The following MACROD2 variants were observed in gnomAD, a reference collection of about 807,000 sequenced individuals.
MACROD2 encodes ADP-ribose glycohydrolase MACROD2.
MACROD2 carries 36 observed loss-of-function variants against 70.4 expected under a neutral mutation model. That is an observed-to-expected ratio of 0.51 (90% confidence interval 0.39 to 0.68). MACROD2 has a LOEUF of 0.68. MACROD2 is among the 30% of genes least tolerant of loss of function. The pLI is 0.00. For synonymous variants in MACROD2, 172 were observed against 178.8 expected (o/e 0.96, Z 0.30); for missense variants, 496 against 538.4 (o/e 0.92, Z 0.78).
chr20:14,373,848 TTG>T (rs1435116165), intron 3 of MACROD2, among the ~76,000 whole-genome samples: 5 of 152,142 alleles, frequency 3.3e-5, no homozygotes, highest in African/African-American at 7.2e-5. Context: ...GCTCCTTGTT[TTG>T]TTTATTATAG....
chr20:14,015,216 G>A (rs2052970782), intron 2 of MACROD2, among the ~76,000 whole-genome samples: 1 of 152,096 alleles, frequency 6.6e-6, no homozygotes, highest in African/African-American at 2.4e-5. Flanking sequence ...TCAGTTTAGT[G>A]ACATTGAGTA....
intron 2 of MACROD2, among the ~76,000 whole-genome samples, chr20:14,013,268 A>G (rs966462159): frequency 5.0e-5 from 7 of 140,654 alleles, no homozygotes; most frequent in Non-Finnish European, 9.3e-5. Context: ...GGTCAACTGT[A>G]CTTTCTTTTT....
At chr20:14,559,044 A>G (rs925516807) in intron 4 of MACROD2, among the ~76,000 whole-genome samples, 11 of 151,750 alleles carry the variant, frequency 7.2e-5, no homozygotes, top group African/African-American at 2.7e-4. Context: ...TTGATACCAT[A>G]TTTGTTCTAA....
chr20:15,284,914 T>G (rs2077477454), intron 6 of MACROD2, among the ~76,000 whole-genome samples: 1 of 152,222 alleles, frequency 6.6e-6, no homozygotes, highest in Non-Finnish European at 1.5e-5. Context: ...AGTTATTTTG[T>G]TGCTATTTAA....
intron 9 of MACROD2, among the ~76,000 whole-genome samples, chr20:15,876,482 A>T (rs1406005113): frequency 1.3e-5 from 2 of 152,104 alleles, no homozygotes; most frequent in Non-Finnish European, 2.9e-5. Flanking sequence ...CATGGTGTAT[A>T]TGTACCACAT....
intron 9 of MACROD2, among the ~76,000 whole-genome samples, chr20:15,882,399 A>G (rs2064767170): frequency 1.3e-5 from 2 of 152,132 alleles, no homozygotes; most frequent in Non-Finnish European, 2.9e-5. Flanking sequence ...TGGAATTTGA[A>G]TGAGCCCAAG....
chr20:14,536,689 G>A (rs998483238), intron 4 of MACROD2, among the ~76,000 whole-genome samples: 10 of 151,470 alleles, frequency 6.6e-5, no homozygotes, highest in Admixed American at 2.0e-4. Flanking sequence ...GCATTTATGT[G>A]TGCATGTATA....
At chr20:15,356,189 G>A (rs1012881441) in intron 6 of MACROD2, among the ~76,000 whole-genome samples, 1 of 151,962 alleles carries the variant, frequency 6.6e-6, no homozygotes, top group Admixed American at 6.6e-5. Flanking sequence ...TTGTGATCTT[G>A]AGCCAGTTAC....
intron 8 of MACROD2, among the ~76,000 whole-genome samples, chr20:15,543,525 G>T (rs1427579414): frequency 2.1e-5 from 3 of 144,542 alleles, no homozygotes. Context: ...ACAGCAGAAT[G>T]GTGAGATGTT....
chr20:15,875,281 A>G (rs1020548088), intron 9 of MACROD2, among the ~76,000 whole-genome samples: 1 of 152,182 alleles, frequency 6.6e-6, no homozygotes, highest in Non-Finnish European at 1.5e-5. Flanking sequence ...AAAGAAACAC[A>G]AGAGAAACTT....
intron 5 of MACROD2, among the ~76,000 whole-genome samples, chr20:14,709,539 C>T (rs11907538): frequency 0.08 from 12,233 of 152,084 alleles, 851 homozygotes; most frequent in South Asian, 0.28. Context: ...ATAGGTCTGG[C>T]GTCAAATTTC....
chr20:14,465,058 G>T (rs761964449), intron 3 of MACROD2, among the ~76,000 whole-genome samples: 1 of 152,018 alleles, frequency 6.6e-6, no homozygotes, highest in African/African-American at 2.4e-5. Context: ...GGCCCTCTTG[G>T]TGCAGAGCTG....
intron 5 of MACROD2, among the ~76,000 whole-genome samples, chr20:15,154,398 A>G (rs1299426906): frequency 2.0e-5 from 3 of 152,198 alleles, no homozygotes; most frequent in East Asian, 3.9e-4. Context: ...ATCCAACTGG[A>G]TGAAAGCTCT....
intron 4 of MACROD2, among the ~76,000 whole-genome samples, chr20:14,576,317 A>G (rs770103875): frequency 6.6e-5 from 10 of 152,194 alleles, no homozygotes; most frequent in Non-Finnish European, 1.3e-4. Context: ...ATGATTAAAG[A>G]CAAAGAGAGT....
intron 8 of MACROD2, among the ~76,000 whole-genome samples, chr20:15,850,794 C>G (rs62196573): frequency 6.6e-6 from 1 of 152,100 alleles, no homozygotes; most frequent in South Asian, 2.1e-4. Flanking sequence ...TGGTCAGTGT[C>G]GGATGGGGCC....
chr20:14,533,397 A>C lies in MACROD2; in HGVS notation c.301+39889A>C, dbSNP rs1026115168. Among the ~76,000 whole-genome samples, 5 of 152,240 alleles carry C rather than the reference A, an allele frequency of 3.3e-5. No individual in the cohort carries two copies. In the East Asian group the frequency reaches 7.7e-4, roughly 23 times the overall value. On this transcript the variant is annotated intron_variant, in intron 4 of 17. Coordinates refer to ENST00000684519, the MANE Select transcript of MACROD2 (RefSeq NM_001351661.2). The stretch of plus-strand genomic sequence containing the variant: ...TGAAAATTTTGTTTTTTGACAAGCT[A>C]TAAGAAGCACATAGCCACATGACTT...
chr20:14,436,984 C>T (rs897642884), intron 3 of MACROD2, among the ~76,000 whole-genome samples: 2 of 152,102 alleles, frequency 1.3e-5, no homozygotes, highest in Non-Finnish European at 2.9e-5. Context: ...AGTGGATTTT[C>T]ACTTATACAA....
At chr20:15,249,281 A>G (rs1448727244) in intron 6 of MACROD2, among the ~76,000 whole-genome samples, 1 of 152,200 alleles carries the variant, frequency 6.6e-6, no homozygotes, top group Non-Finnish European at 1.5e-5. Context: ...GAGCAGGGTG[A>G]CAGCCCAAGA....
At chr20:14,704,979 AGTAT>A (rs1302230579) in intron 5 of MACROD2, among the ~76,000 whole-genome samples, 1 of 151,794 alleles carries the variant, frequency 6.6e-6, no homozygotes, top group Non-Finnish European at 1.5e-5. Flanking sequence ...TACATTTAAT[AGTAT>A]ATATAGTTAA....
Sources: allele counts gnomAD v4.1 joint callset (sites outside exome capture counted in the v4.1 genomes callset), GRCh38; gene constraint gnomAD v4.1.1; transcripts MANE v1.5; gene names NCBI Gene and HGNC (gene_info 2026-07-23, HGNC 2026-07-21).